Variants in MPPED2 observed in about 807,000 individuals in gnomAD.
MPPED2 encodes metallophosphoesterase domain containing 2.
MPPED2 carries 5 observed loss-of-function variants against 33.0 expected under a neutral mutation model. The ratio of observed to expected loss-of-function variants is 0.15; its 90% confidence interval spans 0.08 to 0.32. The LOEUF (loss-of-function observed/expected upper bound fraction) is 0.32, where lower values mean the gene tolerates loss of function less well. MPPED2 is among the 10% of genes least tolerant of loss of function. The pLI, the probability that MPPED2 is intolerant of heterozygous loss-of-function variation, is 1.00. For missense variants in MPPED2, 275 were observed against 372.1 expected (o/e 0.74, Z 2.15); for synonymous variants, 136 against 141.9 (o/e 0.96, Z 0.29).
intron 2 of MPPED2, among the ~76,000 whole-genome samples, chr11:30,543,500 A>G (rs2134554198): frequency 6.6e-6 from 1 of 152,352 alleles, no homozygotes; most frequent in African/African-American, 2.4e-5. Context: ...ATGAAAGAGC[A>G]GAAACAATTC....
intron 4 of MPPED2, among the ~76,000 whole-genome samples, chr11:30,422,621 T>C (rs1948660031): frequency 6.6e-6 from 1 of 151,832 alleles, no homozygotes; most frequent in Non-Finnish European, 1.5e-5. Context: ...CCACAATGGG[T>C]TTTGTTGTGT....
chr11:30,453,961 AAGG>A (rs1313560541), intron 4 of MPPED2, among the ~76,000 whole-genome samples: 7 of 152,160 alleles, frequency 4.6e-5, no homozygotes, highest in Non-Finnish European at 8.8e-5. Flanking sequence ...GTGATATACA[AAGG>A]AGTTCTGGGG....
chr11:30,412,431 A>C lies in MPPED2; in HGVS notation c.767-845T>G, dbSNP rs540370774. On this transcript the variant is annotated intron_variant, in intron 6 of 6. Transcript: ENST00000358117. ...TTATATTTGCCTTATAGCCTCTTCA[A>C]CTAAGATTCTATGTTGGTATCAGGC... Among the ~76,000 whole-genome samples the C allele has an allele frequency of 3.9e-5, 6 of 152,210 alleles. No individual in the cohort carries two copies. In the South Asian group the frequency reaches 1.2e-3, roughly 32 times the overall value.
At chr11:30,504,868 A>G in intron 3 of MPPED2, 4 of 1,159,346 alleles carry the variant, frequency 3.5e-6, no homozygotes, top group African/African-American at 1.6e-5. Context: ...CTATATTACA[A>G]TAATGTCAGG....
intron 6 of MPPED2, among the ~76,000 whole-genome samples, chr11:30,394,969 T>G (rs1947822867): frequency 6.6e-6 from 1 of 152,238 alleles, no homozygotes; most frequent in South Asian, 2.1e-4. Flanking sequence ...CTTTCTTCTT[T>G]GAATTGTCTT....
chr11:30,537,355 T>A (rs1954864415), intron 2 of MPPED2, among the ~76,000 whole-genome samples: 1 of 152,138 alleles, frequency 6.6e-6, no homozygotes, highest in Non-Finnish European at 1.5e-5. Context: ...AAACATTAAA[T>A]AAGGAACAAT....
chr11:30,491,246 G>A (rs1047690504), intron 4 of MPPED2, among the ~76,000 whole-genome samples: 1 of 152,182 alleles, frequency 6.6e-6, no homozygotes, highest in African/African-American at 2.4e-5. Flanking sequence ...AGGAATTCAA[G>A]CATGCTCACA....
At chr11:30,426,678 G>A (rs1948852477) in intron 4 of MPPED2, among the ~76,000 whole-genome samples, 1 of 152,206 alleles carries the variant, frequency 6.6e-6, no homozygotes, top group Admixed American at 6.5e-5. Context: ...CAGTTCATAG[G>A]TAGCAGTGCC....
chr11:30,438,730 T>C (rs940798217), intron 4 of MPPED2, among the ~76,000 whole-genome samples: 2 of 152,182 alleles, frequency 1.3e-5, no homozygotes, highest in African/African-American at 4.8e-5. Context: ...TATTTTGAGA[T>C]CAATGAAGAT....
rs371208108 is a variant in MPPED2 at position 30,394,611 on chromosome 11, T to C, written c.767-5655A>G. ...TATTCAACTTTTTACCCATTTTTAATTTGGTTGAATTTTAAGACTTCTTTA... is the reference window on the plus strand; with the variant it reads ...TATTCAACTTTTTACCCATTTTTAACTTGGTTGAATTTTAAGACTTCTTTA... On this transcript the variant is annotated intron_variant, in intron 6 of 6. Coordinates refer to the MPPED2 transcript ENST00000448418. 2.9e-4 allele frequency among the ~76,000 whole-genome samples: 44 copies of C among 152,324 alleles called. 1 individual carries two copies. In the South Asian group the frequency reaches 8.3e-3, roughly 29 times the overall value.
At chr11:30,480,538 C>G (rs1014922550) in intron 4 of MPPED2, among the ~76,000 whole-genome samples, 3 of 152,078 alleles carry the variant, frequency 2.0e-5, no homozygotes, top group Non-Finnish European at 4.4e-5. Flanking sequence ...GCCAATAAAT[C>G]AAGCTGAAGC....
chr11:30,421,176 T>A (rs1226705454), intron 4 of MPPED2, among the ~76,000 whole-genome samples: 1 of 152,140 alleles, frequency 6.6e-6, no homozygotes, highest in Admixed American at 6.6e-5. Flanking sequence ...CCCAGGGGCT[T>A]CCAGAGGCAA....
upstream of MPPED2, chr11:30,586,983 T>G (rs571554272): frequency 6.6e-6 from 1 of 152,364 alleles, no homozygotes; most frequent in Admixed American, 6.5e-5. This position sits in a 1 kb window ranked among gnomAD's most constrained non-coding sequence, Gnocchi z 4.8. Context: ...CACCTCTTTC[T>G]CTCTGCAATG....
At chr11:30,415,343 T>A (rs1948298444) in intron 5 of MPPED2, among the ~76,000 whole-genome samples, 1 of 152,202 alleles carries the variant, frequency 6.6e-6, no homozygotes, top group South Asian at 2.1e-4. Flanking sequence ...ACTTTTTTAA[T>A]AGTGGGGCAG....
intron 4 of MPPED2, among the ~76,000 whole-genome samples, chr11:30,478,906 G>T (rs912410180): frequency 1.3e-4 from 20 of 152,096 alleles, no homozygotes; most frequent in African/African-American, 3.1e-4. Flanking sequence ...AATATGAGCA[G>T]GCTGTTTGAC....
At chr11:30,503,704 C>G (rs1275866110) in intron 3 of MPPED2, among the ~76,000 whole-genome samples, 2 of 152,192 alleles carry the variant, frequency 1.3e-5, no homozygotes, top group Non-Finnish European at 2.9e-5. Flanking sequence ...TATTTTAAGA[C>G]TGCCAATCCC....
chr11:30,524,946 C>A (rs1038749630), intron 3 of MPPED2, among the ~76,000 whole-genome samples: 1 of 152,020 alleles, frequency 6.6e-6, no homozygotes, highest in Non-Finnish European at 1.5e-5. Context: ...AAGATAAAAC[C>A]AGCACTCCAT....
rs1303590702 is a variant in MPPED2, at chr11:30,580,179, T to C, written c.128+67A>G. 6 of 1,486,804 alleles carry C rather than the reference T, an allele frequency of 4.0e-6. No individual in the cohort carries two copies. In the Admixed American group the frequency reaches 9.5e-5, roughly 24 times the overall value. The allele number at this position is 1,486,804 out of a possible 1,614,324, so 92.1% of individuals were successfully genotyped here. Reference sequence around the variant, plus strand: ...CTCCCTAGCAGAAGTTAATAGTGAATGCTTTTCTTTTTTTTCTTTTTATTT... The same window carrying C: ...CTCCCTAGCAGAAGTTAATAGTGAACGCTTTTCTTTTTTTTCTTTTTATTT... On this transcript the variant is annotated intron_variant, in intron 2 of 6. Transcript: ENST00000358117.
At chr11:30,423,037 A>C (rs1252453861) in intron 4 of MPPED2, among the ~76,000 whole-genome samples, 1 of 152,216 alleles carries the variant, frequency 6.6e-6, no homozygotes, top group Non-Finnish European at 1.5e-5. Context: ...TGTCAATACA[A>C]AACAGGTTTT....
Sources: allele counts gnomAD v4.1 joint callset (sites outside exome capture counted in the v4.1 genomes callset), GRCh38; gene constraint gnomAD v4.1.1; non-coding constraint Gnocchi (gnomAD v3.1); transcripts MANE v1.5; gene names NCBI Gene and HGNC (gene_info 2026-07-23, HGNC 2026-07-21).